INPP5D: variants seen among roughly 807,000 people sequenced by gnomAD.
The protein encoded by INPP5D is inositol polyphosphate-5-phosphatase D.
INPP5D carries 33 observed loss-of-function variants against 122.9 expected under a neutral mutation model. The ratio of observed to expected loss-of-function variants is 0.27; its 90% CI spans 0.20 to 0.36. The LOEUF is 0.36. Among genes scored for constraint, INPP5D ranks in the 10% least tolerant of loss-of-function variants. The pLI is 1.00. For synonymous variants in INPP5D, 584 were observed against 576.2 expected (o/e 1.01, Z -0.19); for missense variants, 1,053 against 1,412.7 (o/e 0.75, Z 4.08).
At chr2:233,117,076 G>A (rs929160777) in intron 2 of INPP5D, among the ~76,000 whole-genome samples, 13 of 152,336 alleles carry the variant, frequency 8.5e-5, no homozygotes, top group African/African-American at 2.4e-4. Flanking sequence ...TCACTTGGGG[G>A]CCGCCGGTAA....
Position 233,206,734 on chromosome 2 carries a change from C to A in INPP5D, c.*26C>A. The A allele has an allele frequency of 1.3e-6, 1 of 767,318 alleles. No homozygotes were observed. The highest frequency in any genetic ancestry group is 2.4e-6 in the Non-Finnish European group (1 of 411,792). 47.5% of individuals were successfully genotyped at this position (767,318 alleles called of 1,614,324 possible). On this transcript the variant is annotated 3_prime_UTR_variant, in exon 27 of 27. Coordinates refer to ENST00000445964, the MANE Select transcript of INPP5D (RefSeq NM_001017915.3). This position sits in a 1 kb window ranked among gnomAD's most constrained non-coding sequence, Gnocchi z 4.0. ...AGCCCTCAGTGAGCTGCCACTGAGT[C>A]GGGAGCCCAGAGGAACGGCGTGAAG...
intron 2 of INPP5D, among the ~76,000 whole-genome samples, chr2:233,085,462 A>G (rs964805105): frequency 1.3e-5 from 2 of 151,332 alleles, no homozygotes; most frequent in Admixed American, 1.3e-4. Flanking sequence ...GCTGGTTCCT[A>G]TAGAGGCGAC....
In INPP5D at chr2:233,161,839, GCC is replaced by G; in HGVS notation, c.1240+17_1240+18del. 1.2e-6 allele frequency: 2 copies of G among 1,607,838 alleles called. No homozygotes were observed. The highest frequency in any genetic ancestry group is 1.7e-6 in the Non-Finnish European group (2 of 1,176,856). On this transcript the variant is annotated intron_variant, in intron 11 of 26. Coordinates refer to ENST00000445964, the MANE Select transcript of INPP5D (RefSeq NM_001017915.3). ...ACCTGGAACATGGGTGGGTCCGCGC[GCC>G]CCCTCCCTGCAGTCACCCCCTCTGC...
At chr2:233,124,137 AT>A (rs1693081887) in intron 3 of INPP5D, among the ~76,000 whole-genome samples, 2 of 149,306 alleles carry the variant, frequency 1.3e-5, no homozygotes, top group Non-Finnish European at 3.0e-5. Context: ...TTAAAGGCTT[AT>A]TTCCTAAAAG....
intron 5 of INPP5D, among the ~76,000 whole-genome samples, chr2:233,134,688 G>A (rs773140090): frequency 6.6e-6 from 1 of 152,070 alleles, no homozygotes; most frequent in African/African-American, 2.4e-5. Context: ...GGAAATATTT[G>A]GTAACTCCTG....
At chr2:233,155,627 T>A (rs549661331) in intron 9 of INPP5D, among the ~76,000 whole-genome samples, 324 of 12,688 alleles carry the variant, frequency 0.026, 1 homozygote, top group African/African-American at 0.038. Flanking sequence ...TCTCAAAAAA[T>A]AAATAAATAA....
At chr2:233,168,891 C>T (rs1194123825) in intron 13 of INPP5D, 4 of 200,180 alleles carry the variant, frequency 2.0e-5, no homozygotes, top group Admixed American at 1.6e-4. Flanking sequence ...TAGATCAGAA[C>T]GTTGGCAGAA....
intron 2 of INPP5D, among the ~76,000 whole-genome samples, chr2:233,079,611 G>A (rs943595972): frequency 1.3e-5 from 2 of 152,190 alleles, no homozygotes; most frequent in Non-Finnish European, 2.9e-5. Flanking sequence ...GGAGTTGCAT[G>A]CCACAGGCTA....
chr2:233,081,256 C>T (rs548759906), intron 2 of INPP5D, among the ~76,000 whole-genome samples: 20 of 152,224 alleles, frequency 1.3e-4, no homozygotes, highest in African/African-American at 3.4e-4. Context: ...CTGGGGCAGG[C>T]AGTTGGCCTC....
intron 26 of INPP5D, chr2:233,205,425 G>C (rs1695473027): frequency 6.7e-6 from 1 of 148,608 alleles, no homozygotes; most frequent in South Asian, 2.2e-4. Context: ...CCAGTGGTGT[G>C]ATCTCGGCTC....
chr2:233,074,685 G>A (rs1018048172), intron 1 of INPP5D, among the ~76,000 whole-genome samples: 6 of 151,620 alleles, frequency 4.0e-5, no homozygotes, highest in Non-Finnish European at 7.4e-5. Flanking sequence ...CCAGAAATCT[G>A]CAGAAACACA....
intron 6 of INPP5D, chr2:233,140,493 G>A (rs1693610775): frequency 1.3e-5 from 2 of 152,222 alleles, no homozygotes; most frequent in African/African-American, 2.4e-5. Context: ...GATTACAGAC[G>A]AAGTATTCAT....
chr2:233,116,625 C>A (rs1367840918), intron 2 of INPP5D, among the ~76,000 whole-genome samples: 1 of 147,818 alleles, frequency 6.8e-6, no homozygotes, highest in Non-Finnish European at 1.5e-5. Context: ...GAGACAGAGT[C>A]TCACTCTGTC....
At chr2:233,137,898 A>ATATATATATATATATATATATG (rs1693530076) in intron 5 of INPP5D, among the ~76,000 whole-genome samples, 1 of 85,638 alleles carries the variant, frequency 1.2e-5, no homozygotes, top group Admixed American at 1.3e-4. Context: ...ATATATATAT[A>ATATATATATATATATATATATG]CACACACACA....
Position 233,093,000 on chromosome 2 carries a change from G to T in INPP5D, c.198+13602G>T, listed in dbSNP as rs1021211896. 2.6e-5 allele frequency among the ~76,000 whole-genome samples: 4 copies of T among 152,174 alleles called. No homozygotes were observed. In the South Asian group the frequency reaches 6.2e-4, roughly 24 times the overall value. On this transcript the variant is annotated intron_variant, in intron 2 of 26. Transcript: ENST00000445964. ...GAATCTTGACTCTAAGATAAAAATG[G>T]TTACCCAGGAAGAAACAGAAAGAGA...
At chr2:233,101,401 T>C (rs1400306702) in intron 2 of INPP5D, among the ~76,000 whole-genome samples, 1 of 152,040 alleles carries the variant, frequency 6.6e-6, no homozygotes, top group Non-Finnish European at 1.5e-5. Context: ...TCTAGGACTG[T>C]AGACGTCTTT....
intron 1 of INPP5D, among the ~76,000 whole-genome samples, chr2:233,064,602 C>T (rs2106194089): frequency 6.6e-6 from 1 of 152,322 alleles, no homozygotes; most frequent in South Asian, 2.1e-4. Flanking sequence ...GATGGGGAAA[C>T]CGAGGTGCAG....
Position 233,060,406 on chromosome 2 carries a change from G to A in INPP5D, c.-73G>A. 2.0e-6 allele frequency: 3 copies of A among 1,485,108 alleles called. No homozygotes were observed. Among genetic ancestry groups the A allele is most frequent in the Non-Finnish European group, 2.7e-6 (3 of 1,105,678 alleles). The allele number at this position is 1,485,108 out of a possible 1,614,324, so 92.0% of individuals were successfully genotyped here. On this transcript the variant is annotated 5_prime_UTR_variant, in exon 1 of 27. Coordinates refer to ENST00000445964, the MANE Select transcript of INPP5D (RefSeq NM_001017915.3). ...ACGGGCGGCAGGTTGCAGTGGAGGG[G>A]CCTCCGCTCCCCTCGGTGGTGTGTG...
At chr2:233,147,345 C>T in intron 8 of INPP5D, 126 bp from the exon 9 acceptor site, 1 of 629,296 alleles carries the variant, frequency 1.6e-6, no homozygotes, top group Non-Finnish European at 2.9e-6. Context: ...CAAGAGAAGC[C>T]CAGTGGCCCC....
Sources: gnomAD v4.1 joint callset for allele counts (sites outside exome capture counted in the v4.1 genomes callset) on GRCh38, gnomAD v4.1.1 for gene constraint, Gnocchi (gnomAD v3.1) non-coding constraint, MANE v1.5 for transcripts, NCBI Gene and HGNC (gene_info 2026-07-23, HGNC 2026-07-21) for gene names.